PTK2: variants seen among roughly 807,000 people sequenced by gnomAD.
PTK2 encodes protein tyrosine kinase 2, also known as focal adhesion kinase 1.
Under a neutral mutation model 150.1 loss-of-function variants are expected in PTK2, and 45 were observed. The ratio of observed to expected loss-of-function variants is 0.30; its 90% CI spans 0.24 to 0.38. PTK2 has a LOEUF of 0.38. PTK2 is among the 10% of genes least tolerant of loss of function. The pLI is 1.00. For missense variants in PTK2, 919 were observed against 1,307.3 expected, an observed-to-expected ratio of 0.70 and a Z score of 4.58; for synonymous variants, 432 against 449.2, an observed-to-expected ratio of 0.96 and a Z score of 0.48.
At chr8:140,667,466 CT>C (rs869029677) in intron 30 of PTK2, among the ~76,000 whole-genome samples, 2,902 of 54,144 alleles carry the variant, frequency 0.054, 105 homozygotes, top group African/African-American at 0.17. Context: ...CTCTCTCTCT[CT>C]TTTTTTTTTT....
At chr8:140,792,421 G>T (rs1261514181) in intron 13 of PTK2, among the ~76,000 whole-genome samples, 1 of 152,186 alleles carries the variant, frequency 6.6e-6, no homozygotes, top group African/African-American at 2.4e-5. Context: ...CATTGGGAAG[G>T]GACCCTTGGA....
intron 5 of PTK2, among the ~76,000 whole-genome samples, chr8:140,850,222 T>TC (rs1319684255): frequency 1.3e-5 from 2 of 151,922 alleles, no homozygotes; most frequent in East Asian, 3.9e-4. Context: ...GGTCAGGAGT[T>TC]CGAGACCAGC....
In PTK2 at chr8:140,659,469, G is replaced by A. The variant is rs748346178; in HGVS notation, c.3156C>T (p.His1052=). The change falls in exon 32 of 32, where the codon CAC becomes CAT. Residue 1052 remains histidine (H), a synonymous_variant. Coordinates refer to ENST00000522684, the Ensembl canonical transcript of PTK2. Reference sequence around the variant, plus strand: ...AAGACGTGCTCCTAGGGGAGGCTCAGTGTGGTCTCGTCTGCCCAAGCATTT... The same window carrying A: ...AAGACGTGCTCCTAGGGGAGGCTCAATGTGGTCTCGTCTGCCCAAGCATTT... 4 of 1,611,588 alleles carry A rather than the reference G, an allele frequency of 2.5e-6. No homozygotes were observed. In the South Asian group the frequency reaches 4.4e-5, roughly 18 times the overall value.
intron 1 of PTK2, among the ~76,000 whole-genome samples, chr8:140,981,067 C>T (rs2100191235): frequency 6.8e-6 from 1 of 146,910 alleles, no homozygotes; most frequent in Non-Finnish European, 1.5e-5. Flanking sequence ...GCCTCTAAAG[C>T]TTTTTAATAA....
chr8:140,899,336 T>G (rs926896536), intron 2 of PTK2, among the ~76,000 whole-genome samples: 2 of 152,186 alleles, frequency 1.3e-5, no homozygotes, highest in African/African-American at 4.8e-5. Flanking sequence ...ACTCAGCCAC[T>G]ATACTGATTA....
At chr8:140,728,246 A>G (rs1481179228) in intron 22 of PTK2, among the ~76,000 whole-genome samples, 2 of 152,016 alleles carry the variant, frequency 1.3e-5, no homozygotes, top group African/African-American at 4.8e-5. Context: ...GATGTTCCCC[A>G]AGGATATTAA....
intron 1 of PTK2, among the ~76,000 whole-genome samples, chr8:140,943,835 T>A (rs2100176713): frequency 6.6e-6 from 1 of 152,212 alleles, no homozygotes; most frequent in Non-Finnish European, 1.5e-5. Flanking sequence ...ACTACTAATG[T>A]GGAACATCTT....
chr8:140,828,100 A>G (rs1193654283), intron 8 of PTK2, among the ~76,000 whole-genome samples: 1 of 150,424 alleles, frequency 6.6e-6, no homozygotes, highest in African/African-American at 2.5e-5. Flanking sequence ...CGGGAGGAGG[A>G]GGTTGCAGCG....
exon 25 of PTK2, chr8:140,702,624 T>G: frequency 1.2e-6 from 2 of 1,614,136 alleles, no homozygotes; most frequent in Non-Finnish European, 1.7e-6. Context: ...TCCATGAATC[T>G]GTTTGGTCCA....
chr8:140,747,746 G>A (rs1247034688), intron 17 of PTK2, among the ~76,000 whole-genome samples: 2 of 108,722 alleles, frequency 1.8e-5, no homozygotes, highest in Non-Finnish European at 4.0e-5. Context: ...AGTAGGAGGA[G>A]GGGGAGGAAG....
At chr8:140,684,188 G>A (rs771016287) in intron 27 of PTK2, among the ~76,000 whole-genome samples, 8 of 152,176 alleles carry the variant, frequency 5.3e-5, no homozygotes, top group African/African-American at 1.2e-4. Flanking sequence ...GACAGGTTTC[G>A]TGGAAGACAA....
rs573230080 is a variant in PTK2, at chr8:140,979,099, G to A, written c.-122+22026C>T. Among the ~76,000 whole-genome samples, 305 of 135,730 alleles carry A rather than the reference G, an allele frequency of 2.2e-3. 5 individuals carry two copies. The highest frequency in any genetic ancestry group is 5.8e-4 in the Non-Finnish European group (37 of 63,632). 89.0% of individuals were successfully genotyped at this position (135,730 alleles called of 152,430 possible). The stretch of plus-strand genomic sequence containing the variant: ...CACAGGAAGGGGAACATCACACACC[G>A]GGGCCTGTTGTGGGGTGGGGGGAGG... On this transcript the variant is annotated intron_variant, in intron 1 of 31. Transcript: ENST00000522684.
At chr8:140,920,341 A>C (rs2100166948) in intron 2 of PTK2, among the ~76,000 whole-genome samples, 1 of 152,158 alleles carries the variant, frequency 6.6e-6, no homozygotes. Context: ...AAAATTGTTT[A>C]TGTATGGTAT....
intron 10 of PTK2, among the ~76,000 whole-genome samples, 192 bp from the exon 11 acceptor site, chr8:140,803,842 G>C (rs1023341772): frequency 6.6e-6 from 1 of 152,172 alleles, no homozygotes; most frequent in African/African-American, 2.4e-5. Context: ...TTCAAGGTCA[G>C]GTACAGGTCT....
intron 2 of PTK2, among the ~76,000 whole-genome samples, chr8:140,913,764 T>C (rs2100164134): frequency 6.6e-6 from 1 of 152,214 alleles, no homozygotes; most frequent in Admixed American, 6.5e-5. Flanking sequence ...CATAAGTCAA[T>C]TCTCCCAAAT....
intron 8 of PTK2, among the ~76,000 whole-genome samples, chr8:140,819,672 A>G (rs890870424): frequency 6.6e-6 from 1 of 152,222 alleles, no homozygotes; most frequent in Non-Finnish European, 1.5e-5. Context: ...AAAGATGACA[A>G]AACAGTCAGC....
At chr8:140,787,084 AAAGTTTC>A (rs1325121294) in intron 14 of PTK2, among the ~76,000 whole-genome samples, 1 of 152,156 alleles carries the variant, frequency 6.6e-6, no homozygotes, top group Non-Finnish European at 1.5e-5. Context: ...ATGATTACTA[AAAGTTTC>A]TGACCAGAGA....
At chr8:140,746,914 C>T (rs551658827) in intron 17 of PTK2, 54 bp from the exon 21 acceptor site, 88 of 1,062,810 alleles carry the variant, frequency 8.3e-5, no homozygotes, top group Middle Eastern at 6.0e-4. Context: ...TTTTTTTAGA[C>T]GGAGTCTCAT....
intron 7 of PTK2, among the ~76,000 whole-genome samples, chr8:140,845,555 C>A (rs2100124878): frequency 6.6e-6 from 1 of 152,166 alleles, no homozygotes; most frequent in African/African-American, 2.4e-5. Flanking sequence ...CTCCTGTAAA[C>A]ACCCAGCTGA....
Sources: gnomAD v4.1 joint callset for allele counts (sites outside exome capture counted in the v4.1 genomes callset) on GRCh38, gnomAD v4.1.1 for gene constraint, MANE v1.5 for transcripts, NCBI Gene and HGNC (gene_info 2026-07-23, HGNC 2026-07-21) for gene names.